PRRX2: variants seen among roughly 807,000 people sequenced by gnomAD.
PRRX2 encodes the protein paired mesoderm homeobox protein 2.
Under a neutral mutation model 18.0 loss-of-function variants are expected in PRRX2, and 11 were observed. The observed-to-expected ratio is 0.61, with a 90% CI of 0.39 to 1.01. The LOEUF is 1.01. PRRX2 is among the 50% of genes least tolerant of loss of function. The probability of loss-of-function intolerance (pLI) is 0.01; values close to 1 mark genes in which losing one functional copy is unlikely to be tolerated. For missense variants in PRRX2, 387 were observed against 351.0 expected (o/e 1.10, Z -0.82); for synonymous variants, 177 against 154.8 (o/e 1.14, Z -1.06).
intron 1 of PRRX2, among the ~76,000 whole-genome samples, chr9:129,673,000 A>G (rs1374290887): frequency 1.3e-5 from 2 of 152,154 alleles, no homozygotes; most frequent in East Asian, 3.8e-4. Flanking sequence ...CCAGACTTCC[A>G]GTTTTCAAGT....
At chr9:129,700,476 C>T (rs990074373) in intron 1 of PRRX2, among the ~76,000 whole-genome samples, 2 of 152,164 alleles carry the variant, frequency 1.3e-5, no homozygotes, top group Non-Finnish European at 2.9e-5. Context: ...AGTACAGGCA[C>T]ATGCCACCAA....
intron 1 of PRRX2, among the ~76,000 whole-genome samples, chr9:129,717,398 G>C (rs1832722651): frequency 6.6e-6 from 1 of 151,640 alleles, no homozygotes; most frequent in Non-Finnish European, 1.5e-5. Flanking sequence ...TGTAATCTTA[G>C]AAAATGTGGG....
intron 1 of PRRX2, among the ~76,000 whole-genome samples, chr9:129,687,739 G>A (rs1056974576): frequency 8.5e-5 from 13 of 152,238 alleles, no homozygotes; most frequent in African/African-American, 3.1e-4. Context: ...GGAGCAGAAA[G>A]GTAGCATGGC....
chr9:129,720,643 C>T lies in PRRX2; in HGVS notation c.495C>T (p.Ala165=), dbSNP rs556265818. ...CCAAGTTCCGCAGGAATGAAAGGGC[C>T]ATGCTGGCCAGCCGCTCTGCCTCGC... is the stretch of plus-strand genomic sequence containing the variant. The part of the protein sequence containing the change: ...RRAKFRRNER[A]MLASRSASLL... Residue 165 remains alanine (A), a synonymous_variant, in exon 3 of 4, where the codon GCC becomes GCT. Transcript: ENST00000372469. 1 of 1,613,294 alleles carries T rather than the reference C, an allele frequency of 6.2e-7. No individual in the cohort carries two copies. The highest frequency in any genetic ancestry group is 1.7e-4 in the Middle Eastern group (1 of 6,052).
At chr9:129,683,456 C>T (rs1832258428) in intron 1 of PRRX2, among the ~76,000 whole-genome samples, 1 of 152,040 alleles carries the variant, frequency 6.6e-6, no homozygotes, top group Non-Finnish European at 1.5e-5. Flanking sequence ...AGGCAGGAGG[C>T]CGGGCGCGGT....
rs1291111814 is a variant in PRRX2 at position 129,720,768 on chromosome 9, C to G, written c.620C>G (p.Pro207Arg). Residue 207 changes from proline (P) to arginine (R), a missense_variant, in exon 3 of 4, where the codon CCC becomes CGC. Coordinates refer to ENST00000372469, the MANE Select transcript of PRRX2 (RefSeq NM_016307.4). ...TATCTCTCCTGGACAGCCTCGTCCC[C>G]CTACAGGTGAGAGCGGGAACACCTT... ...PDYLSWTASS[P>R]YSTVPPYSPG... 1.3e-6 allele frequency: 2 copies of G among 1,579,228 alleles called. No individual in the cohort carries two copies. The highest frequency in any genetic ancestry group is 1.4e-5 in the African/African-American group (1 of 73,938).
chr9:129,687,847 T>C (rs1243242314), intron 1 of PRRX2, among the ~76,000 whole-genome samples: 1 of 152,182 alleles, frequency 6.6e-6, no homozygotes, highest in Non-Finnish European at 1.5e-5. Context: ...TCTCCTTTTC[T>C]AAAGCAACCT....
At chr9:129,698,458 G>A (rs1412161859) in intron 1 of PRRX2, among the ~76,000 whole-genome samples, 1 of 152,184 alleles carries the variant, frequency 6.6e-6, no homozygotes, top group East Asian at 1.9e-4. Context: ...CCCCATGATC[G>A]GGAGGAGGGT....
chr9:129,699,871 C>T (rs1161181568), intron 1 of PRRX2, among the ~76,000 whole-genome samples: 2 of 152,258 alleles, frequency 1.3e-5, no homozygotes, highest in Middle Eastern at 3.4e-3. Flanking sequence ...TCTGAGGCAC[C>T]GACAGCAGCT....
intron 1 of PRRX2, among the ~76,000 whole-genome samples, chr9:129,697,787 C>T (rs1185929520): frequency 6.6e-6 from 1 of 152,144 alleles, no homozygotes; most frequent in Non-Finnish European, 1.5e-5. Flanking sequence ...GCTAGCGCCC[C>T]CGCTGTCTCC....
chr9:129,719,211 C>A lies in PRRX2; in HGVS notation c.260-20C>A. The A allele has an allele frequency of 6.5e-7, 1 of 1,535,910 alleles. No homozygotes were observed. The highest frequency in any genetic ancestry group is 1.7e-4 in the Middle Eastern group (1 of 5,744). ...CCACTGGCCGTCCTGCTGACCATCC[C>A]GCCCCCCCAACCTCCGCAGGTGAGT... is the stretch of plus-strand genomic sequence containing the variant. On this transcript the variant is annotated intron_variant, in intron 1 of 3. Coordinates refer to ENST00000372469, the MANE Select transcript of PRRX2 (RefSeq NM_016307.4).
chr9:129,681,484 C>T (rs1832229761), intron 1 of PRRX2, among the ~76,000 whole-genome samples: 2 of 152,076 alleles, frequency 1.3e-5, no homozygotes, highest in African/African-American at 4.8e-5. Context: ...CATGCCACTG[C>T]ACTCCAGCCT....
chr9:129,667,259 G>T (rs995632446), intron 1 of PRRX2, among the ~76,000 whole-genome samples: 2 of 152,228 alleles, frequency 1.3e-5, no homozygotes, highest in Non-Finnish European at 2.9e-5. Context: ...ACCCTCCGGG[G>T]TGAGTGTGAA....
At chr9:129,721,949 G>A (rs150238534) in intron 3 of PRRX2, among the ~76,000 whole-genome samples, 1,665 of 152,224 alleles carry the variant, frequency 0.011, 35 homozygotes, top group African/African-American at 0.039. Flanking sequence ...CAGGCCCAGG[G>A]TACGCATGGA....
intron 1 of PRRX2, among the ~76,000 whole-genome samples, chr9:129,686,544 G>T (rs919708104): frequency 6.6e-6 from 1 of 152,194 alleles, no homozygotes; most frequent in African/African-American, 2.4e-5. Context: ...TGTTGCCCAG[G>T]CTGTTCTTGA....
At chr9:129,719,997 C>T (rs111995470) in intron 2 of PRRX2, among the ~76,000 whole-genome samples, 1,790 of 127,816 alleles carry the variant, frequency 0.014, 45 homozygotes, top group African/African-American at 0.065. Flanking sequence ...AATAAATAAA[C>T]AAACAAACAA....
At chr9:129,689,928 T>A (rs1312382703) in intron 1 of PRRX2, among the ~76,000 whole-genome samples, 1 of 151,628 alleles carries the variant, frequency 6.6e-6, no homozygotes, top group Non-Finnish European at 1.5e-5. Flanking sequence ...ATTTTTTGTA[T>A]TTTTAGTAGA....
chr9:129,692,495 C>T (rs1355951623), intron 1 of PRRX2, among the ~76,000 whole-genome samples: 1 of 152,094 alleles, frequency 6.6e-6, no homozygotes, highest in East Asian at 1.9e-4. Flanking sequence ...GACACGGATC[C>T]ACCACTGCAG....
chr9:129,706,519 C>A (rs919772743), intron 1 of PRRX2, among the ~76,000 whole-genome samples: 1 of 151,738 alleles, frequency 6.6e-6, no homozygotes, highest in African/African-American at 2.4e-5. Context: ...GCCAAGTTCA[C>A]GCCACTGCAC....
Sources: gnomAD v4.1 joint callset for allele counts (sites outside exome capture counted in the v4.1 genomes callset) on GRCh38, gnomAD v4.1.1 for gene constraint, MANE v1.5 for transcripts, NCBI Gene and HGNC (gene_info 2026-07-23, HGNC 2026-07-21) for gene names.